CDH19: variants seen among roughly 807,000 people sequenced by gnomAD.
The protein encoded by CDH19 is cadherin 19.
Under a neutral mutation model 64.2 loss-of-function variants are expected in CDH19, and 67 were observed. That is an observed-to-expected ratio of 1.04 (90% CI 0.86 to 1.28). The LOEUF (loss-of-function observed/expected upper bound fraction) is 1.28, where lower values mean the gene tolerates loss of function less well. CDH19 is among the 50% of genes most tolerant of loss of function. The probability of loss-of-function intolerance (pLI) is 0.00; values close to 1 mark genes in which losing one functional copy is unlikely to be tolerated. For synonymous variants in CDH19, 346 were observed against 319.3 expected (o/e 1.08, Z -0.89); for missense variants, 1,030 against 929.0 (o/e 1.11, Z -1.41).
intron 9 of CDH19, among the ~76,000 whole-genome samples, chr18:66,521,171 T>C (rs932424900): frequency 2.6e-5 from 4 of 152,232 alleles, no homozygotes; most frequent in South Asian, 4.1e-4. Flanking sequence ...ATAAATAGAA[T>C]GTGGTTTCTG....
At position 66,572,144 on chromosome 18, in the gene CDH19, C is replaced by G. The variant is rs375047034; in HGVS notation, c.61G>C (p.Gly21Arg). The G allele has an allele frequency of 2.7e-5, 43 of 1,611,388 alleles. No homozygotes were observed. Among genetic ancestry groups the G allele is most frequent in the Non-Finnish European group, 3.6e-5 (42 of 1,178,400 alleles). The stretch of plus-strand genomic sequence containing the variant: ...TTTGTTTGAGAGTTTTCTGTTGCTC[C>G]AAGACAAGGCCATAGGAGAGGAATT... ...LGIPLLWPCL[G>R]ATENSQTKKV... The change falls in exon 2 of 12, where the codon GGA becomes CGA. Residue 21 changes from glycine to arginine, a missense_variant. Physicochemically the swap from Gly to Arg is moderately radical, Grantham distance 125. Coordinates refer to ENST00000262150, the MANE Select transcript of CDH19 (RefSeq NM_021153.4).
chr18:66,544,037 G>T lies in CDH19; in HGVS notation c.1148C>A (p.Thr383Asn). ...PYYVFEVFEE[T>N]PQGSFVGVVS... ...CACGCCTACAAATGATCCCTGTGGG[G>T]TTTCTTCAAAAACTTCAAATACATA... The change falls in exon 7 of 12, where the codon ACC becomes AAC. Residue 383 changes from threonine (T) to asparagine (N), a missense_variant. By Grantham distance (65) the Thr-to-Asn change is moderately conservative. Coordinates refer to ENST00000262150, the MANE Select transcript of CDH19 (RefSeq NM_021153.4). The T allele has an allele frequency of 6.2e-6, 10 of 1,613,642 alleles. No homozygotes were observed. The highest frequency in any genetic ancestry group is 8.5e-6 in the Non-Finnish European group (10 of 1,179,590).
chr18:66,512,018 C>A (rs1353503557), intron 9 of CDH19, among the ~76,000 whole-genome samples: 1 of 151,444 alleles, frequency 6.6e-6, no homozygotes, highest in Non-Finnish European at 1.5e-5. Context: ...CTCTTTCTTC[C>A]TTCTTAACTT....
At chr18:66,555,653 T>G (rs72954443) in intron 3 of CDH19, among the ~76,000 whole-genome samples, 1 of 151,884 alleles carries the variant, frequency 6.6e-6, no homozygotes, top group Non-Finnish European at 1.5e-5. Context: ...TTTCCAAAAC[T>G]TATTGAATAA....
chr18:66,526,997 T>A (rs1986245685), intron 9 of CDH19, among the ~76,000 whole-genome samples: 1 of 151,620 alleles, frequency 6.6e-6, no homozygotes, highest in African/African-American at 2.4e-5. Context: ...TCAGGGATAG[T>A]TTCCAAGAAT....
rs751973754 is a variant in CDH19 at position 66,544,736 on chromosome 18, T to C, written c.943A>G (p.Ile315Val). The change falls in exon 6 of 12, where the codon ATA (isoleucine) becomes GTA (valine). Residue 315 changes from isoleucine to valine, a missense_variant. Physicochemically the swap from Ile to Val is conservative, Grantham distance 29. Transcript: ENST00000262150. Reference protein sequence around the residue: ...IITNHETQEGIVILKKKVDFE... With the variant: ...IITNHETQEGVVILKKKVDFE... ...ATGTCTACCTTTTTTAATATAACTA[T>C]TCCTTCTTGAGTTTCATGATTAGTA... 8 of 1,605,100 alleles carry C rather than the reference T, an allele frequency of 5.0e-6. No homozygotes were observed. In the South Asian group the frequency reaches 6.7e-5, roughly 13 times the overall value.
At chr18:66,528,910 C>T (rs1986327170) in intron 9 of CDH19, among the ~76,000 whole-genome samples, 1 of 151,936 alleles carries the variant, frequency 6.6e-6, no homozygotes, top group Non-Finnish European at 1.5e-5. Context: ...TGTTTAGTAT[C>T]ATGAACTCTA....
chr18:66,543,472 G>A (rs950502530), intron 7 of CDH19, among the ~76,000 whole-genome samples: 2 of 152,020 alleles, frequency 1.3e-5, no homozygotes, highest in Non-Finnish European at 2.9e-5. Context: ...CTTCTTGCAC[G>A]TGTTTGAAAT....
At chr18:66,518,203 AT>A (rs1985821909) in intron 9 of CDH19, among the ~76,000 whole-genome samples, 1 of 151,672 alleles carries the variant, frequency 6.6e-6, no homozygotes, top group Non-Finnish European at 1.5e-5. Context: ...ATTACCTAGG[AT>A]TTAGGTTTAT....
chr18:66,521,191 A>C (rs1985966813), intron 9 of CDH19, among the ~76,000 whole-genome samples: 3 of 152,082 alleles, frequency 2.0e-5, no homozygotes, highest in South Asian at 4.1e-4. Flanking sequence ...GGATCTGATA[A>C]ATTTTTTAAA....
intron 3 of CDH19, among the ~76,000 whole-genome samples, chr18:66,559,792 A>G (rs932390864): frequency 6.6e-6 from 1 of 151,546 alleles, no homozygotes; most frequent in Non-Finnish European, 1.5e-5. Context: ...AAAAACTGTA[A>G]CCTCTGCAAA....
At chr18:66,532,056 T>C (rs898789586) in intron 8 of CDH19, among the ~76,000 whole-genome samples, 1 of 152,068 alleles carries the variant, frequency 6.6e-6, no homozygotes, top group African/African-American at 2.4e-5. Context: ...AACCTCCACC[T>C]CCTAGGCTCA....
At chr18:66,550,258 C>T (rs899029107) in intron 5 of CDH19, among the ~76,000 whole-genome samples, 2 of 152,042 alleles carry the variant, frequency 1.3e-5, no homozygotes, top group African/African-American at 4.8e-5. Flanking sequence ...GAAAATTTTA[C>T]GAAGCATACC....
chr18:66,532,932 C>A (rs2144430250), intron 8 of CDH19, among the ~76,000 whole-genome samples: 1 of 151,944 alleles, frequency 6.6e-6, no homozygotes, highest in East Asian at 1.9e-4. Flanking sequence ...TAATATTTAA[C>A]TTGAGAACAT....
At chr18:66,525,499 T>G (rs1986187500) in intron 9 of CDH19, among the ~76,000 whole-genome samples, 1 of 152,096 alleles carries the variant, frequency 6.6e-6, no homozygotes, top group African/African-American at 2.4e-5. Context: ...TGGTTTTAAT[T>G]GTATTAACAA....
intron 1 of CDH19, among the ~76,000 whole-genome samples, chr18:66,602,988 C>A (rs1306463306): frequency 2.6e-5 from 4 of 151,028 alleles, no homozygotes; most frequent in Admixed American, 2.6e-4. Flanking sequence ...ATTGTAACTA[C>A]ATCTAAAACA....
At chr18:66,597,619 G>T (rs2144643215) in intron 1 of CDH19, among the ~76,000 whole-genome samples, 1 of 152,220 alleles carries the variant, frequency 6.6e-6, no homozygotes. Flanking sequence ...TCAAACTAAA[G>T]AGCTTCTGCA....
At chr18:66,562,816 A>G (rs913717442) in intron 3 of CDH19, among the ~76,000 whole-genome samples, 1 of 152,296 alleles carries the variant, frequency 6.6e-6, no homozygotes, top group Non-Finnish European at 1.5e-5. Context: ...ATAAAACTAC[A>G]TAGAAATTTT....
At chr18:66,519,835 A>G (rs1241849088) in intron 9 of CDH19, among the ~76,000 whole-genome samples, 2 of 152,142 alleles carry the variant, frequency 1.3e-5, no homozygotes, top group Non-Finnish European at 2.9e-5. Context: ...CAAATCCATC[A>G]AATTCAAAAA....
Sources: gnomAD v4.1 joint callset for allele counts (sites outside exome capture counted in the v4.1 genomes callset) on GRCh38, gnomAD v4.1.1 for gene constraint, MANE v1.5 for transcripts, NCBI Gene and HGNC (gene_info 2026-07-23, HGNC 2026-07-21) for gene names.